Variants in CELF4 observed in about 807,000 individuals in gnomAD.
The protein encoded by CELF4 is CUGBP Elav-like family member 4, also known as CUG-BP- and ETR-3-like factor 4.
In CELF4, 18 loss-of-function variants were observed where a neutral mutation model predicts 59.9. The ratio of observed to expected loss-of-function variants is 0.30; its 90% CI spans 0.21 to 0.45. The LOEUF (loss-of-function observed/expected upper bound fraction) is 0.45. Among genes scored for constraint, CELF4 ranks in the 20% least tolerant of loss-of-function variants. CELF4 has a pLI of 1.00. For synonymous variants in CELF4, 261 were observed against 267.1 expected (o/e 0.98, Z 0.22); for missense variants, 456 against 689.0 (o/e 0.66, Z 3.79).
At chr18:37,550,362 G>A (rs1276574747) in intron 1 of CELF4, among the ~76,000 whole-genome samples, 1 of 152,112 alleles carries the variant, frequency 6.6e-6, no homozygotes, top group African/African-American at 2.4e-5. Context: ...CAGGGGAAAT[G>A]AATAATAGAA....
rs531501349 is a variant in CELF4 at position 37,357,377 on chromosome 18, G to A, written c.370-35496C>T. On this transcript the variant is annotated intron_variant, in intron 2 of 12. Coordinates refer to ENST00000420428, the MANE Select transcript of CELF4 (RefSeq NM_020180.4). ...CCTCAAGCCTTGGAGCTTCCACGTG[G>A]TGCTGAGCCTGTGAGTACACAGAAG... Among the ~76,000 whole-genome samples, 39 of 152,364 alleles carry A rather than the reference G, an allele frequency of 2.6e-4. 1 individual carries two copies. Among genetic ancestry groups the A allele is most frequent in the African/African-American group, 8.9e-4 (37 of 41,592 alleles).
intron 2 of CELF4, among the ~76,000 whole-genome samples, chr18:37,461,533 T>C (rs1221632489): frequency 6.6e-6 from 1 of 152,096 alleles, no homozygotes; most frequent in African/African-American, 2.4e-5. Context: ...TCCCACCAGG[T>C]CCCTCCCACA....
chr18:37,491,300 A>G (rs1197409386), intron 1 of CELF4, among the ~76,000 whole-genome samples: 1 of 151,712 alleles, frequency 6.6e-6, no homozygotes, highest in African/African-American at 2.4e-5. Context: ...TCCTCTGGCC[A>G]GCAGAGACCT....
At chr18:37,267,564 G>T (rs999631901) in intron 8 of CELF4, among the ~76,000 whole-genome samples, 11 of 152,184 alleles carry the variant, frequency 7.2e-5, no homozygotes, top group Non-Finnish European at 5.9e-5. Flanking sequence ...GGATGCTTGA[G>T]GGAAAACTGG....
chr18:37,414,898 A>T (rs906593977), intron 2 of CELF4, among the ~76,000 whole-genome samples: 2 of 152,090 alleles, frequency 1.3e-5, no homozygotes, highest in African/African-American at 4.8e-5. Flanking sequence ...CCACCTACTC[A>T]TCTATCTATC....
At position 37,531,632 on chromosome 18, in the gene CELF4, A is replaced by AG. The variant is rs1487219135; in HGVS notation, c.286+33723dup. ...AACCTTTAAGAAAGTAAAGGACTTG[A>AG]GAGTGGGGTGGGGTGGGTGGAACCA... On this transcript the variant is annotated intron_variant, in intron 1 of 12. Coordinates refer to ENST00000420428, the MANE Select transcript of CELF4 (RefSeq NM_020180.4). Among the ~76,000 whole-genome samples the AG allele has an allele frequency of 2.6e-5, 4 of 152,230 alleles. No homozygotes were observed. The East Asian group carries it at 7.7e-4, about 29-fold the overall frequency.
chr18:37,534,404 C>T (rs978149087), intron 1 of CELF4, among the ~76,000 whole-genome samples: 9 of 152,126 alleles, frequency 5.9e-5, no homozygotes, highest in East Asian at 1.9e-4. Context: ...CGCTGTCCCT[C>T]GGTCCCCACC....
chr18:37,290,770 C>G (rs1041557736), intron 3 of CELF4, among the ~76,000 whole-genome samples: 2 of 152,130 alleles, frequency 1.3e-5, no homozygotes, highest in African/African-American at 2.4e-5. Flanking sequence ...TAGTAATAAC[C>G]AAGGGAGTGA....
At chr18:37,354,436 C>T (rs1569567461) in intron 2 of CELF4, among the ~76,000 whole-genome samples, 1 of 152,084 alleles carries the variant, frequency 6.6e-6, no homozygotes, top group Non-Finnish European at 1.5e-5. Context: ...ATCTGGGGTG[C>T]CTGGGAGAAC....
intron 2 of CELF4, among the ~76,000 whole-genome samples, chr18:37,355,972 C>T (rs2098556345): frequency 2.0e-5 from 3 of 151,974 alleles, no homozygotes; most frequent in Non-Finnish European, 4.4e-5. Context: ...GCCATCACTG[C>T]AGTCTGTCTT....
At chr18:37,446,206 A>G (rs1315666931) in intron 2 of CELF4, among the ~76,000 whole-genome samples, 1 of 152,216 alleles carries the variant, frequency 6.6e-6, no homozygotes, top group Non-Finnish European at 1.5e-5. Context: ...TGCAGACTGC[A>G]TAAATGCTAC....
rs1166148963 is a variant in CELF4, at chr18:37,245,621, C to A, written c.*45-424G>T. 6.6e-6 allele frequency among the ~76,000 whole-genome samples: 1 copy of A among 151,936 alleles called. No individual in the cohort carries two copies. Among genetic ancestry groups the A allele is most frequent in the Non-Finnish European group, 1.5e-5 (1 of 67,986 alleles). ...AACAAGATAGGAAAAATCTAGCAGC[C>A]CAGCCCACTCCTCCCAGCTCAAGGG... is the stretch of plus-strand genomic sequence containing the variant. On this transcript the variant is annotated intron_variant, in intron 12 of 12. Transcript: ENST00000420428. This position sits in a 1 kb window ranked among gnomAD's most constrained non-coding sequence, Gnocchi z 4.1.
intron 2 of CELF4, among the ~76,000 whole-genome samples, chr18:37,428,934 C>A (rs765517329): frequency 2.8e-4 from 42 of 152,190 alleles, no homozygotes; most frequent in Non-Finnish European, 5.3e-4. Context: ...AGTGACCCTT[C>A]GAGGGCATGG....
chr18:37,274,961 G>C, intron 4 of CELF4, 77 bp from the exon 5 acceptor site: 1 of 1,560,076 alleles, frequency 6.4e-7, no homozygotes, highest in South Asian at 1.1e-5. Context: ...GCGCATCCCA[G>C]GTGAACGCAG....
intron 2 of CELF4, among the ~76,000 whole-genome samples, chr18:37,350,736 A>G (rs1428605349): frequency 6.6e-6 from 1 of 152,214 alleles, no homozygotes; most frequent in Non-Finnish European, 1.5e-5. Flanking sequence ...TATCTCTCCG[A>G]GTCTAGCAGG....
intron 2 of CELF4, among the ~76,000 whole-genome samples, chr18:37,357,961 C>T (rs1437089875): frequency 6.6e-6 from 1 of 152,178 alleles, no homozygotes; most frequent in African/African-American, 2.4e-5. Flanking sequence ...AAGTAGCTAG[C>T]TTGCCTTTGA....
intron 2 of CELF4, among the ~76,000 whole-genome samples, chr18:37,448,894 CGCCACA>C (rs1460419605): frequency 3.3e-5 from 5 of 152,244 alleles, no homozygotes; most frequent in Admixed American, 6.5e-5. Flanking sequence ...TGGGCCCACA[CGCCACA>C]GCCACTGGCC....
intron 1 of CELF4, among the ~76,000 whole-genome samples, chr18:37,515,776 G>A (rs968327713): frequency 6.6e-6 from 1 of 152,152 alleles, no homozygotes; most frequent in Non-Finnish European, 1.5e-5. Flanking sequence ...CCACCAAGAA[G>A]AGCCAGTAAG....
intron 1 of CELF4, among the ~76,000 whole-genome samples, chr18:37,490,099 T>C (rs1224233183): frequency 1.3e-5 from 2 of 152,182 alleles, no homozygotes; most frequent in Non-Finnish European, 2.9e-5. Flanking sequence ...AGACCCTCAA[T>C]GTACCAGCAT....
Sources: allele counts gnomAD v4.1 joint callset (sites outside exome capture counted in the v4.1 genomes callset), GRCh38; gene constraint gnomAD v4.1.1; non-coding constraint Gnocchi (gnomAD v3.1); transcripts MANE v1.5; gene names NCBI Gene and HGNC (gene_info 2026-07-23, HGNC 2026-07-21).